RGPD5: variants seen among roughly 807,000 people sequenced by gnomAD.
The protein encoded by RGPD5 is RANBP2 like and GRIP domain containing 5.
chr2:109,774,513 TAATATATATTATATATA>T, the RGPD5 span, among the ~76,000 whole-genome samples: 2 of 67,168 alleles, frequency 3.0e-5, 1 homozygote, highest in African/African-American at 1.7e-4. Flanking sequence ...TATATATATA[TAATATATATTATATATA>T]TTATATATAA....
At chr2:109,761,440 C>T in the RGPD5 span, among the ~76,000 whole-genome samples, 1 of 149,844 alleles carries the variant, frequency 6.7e-6, no homozygotes, top group South Asian at 2.2e-4. Flanking sequence ...TCCTCCCCAC[C>T]CCACCCGGGC....
chr2:109,763,962 A>G, the RGPD5 span, among the ~76,000 whole-genome samples: 1 of 145,490 alleles, frequency 6.9e-6, no homozygotes, highest in African/African-American at 2.5e-5. Flanking sequence ...AATATAATCA[A>G]TATACACAAT....
At chr2:109,780,712 AC>A in the RGPD5 span, among the ~76,000 whole-genome samples, 1 of 105,862 alleles carries the variant, frequency 9.4e-6, no homozygotes, top group Non-Finnish European at 1.8e-5. Flanking sequence ...TGGTACTGTT[AC>A]ATTTTTCCTC....
chr2:109,777,290 A>G, the RGPD5 span, among the ~76,000 whole-genome samples: 3 of 148,842 alleles, frequency 2.0e-5, no homozygotes, highest in Admixed American at 6.9e-5. Context: ...TTCTACATGT[A>G]TTGAGATGGT....
chr2:109,764,990 T>C, the RGPD5 span, among the ~76,000 whole-genome samples: 6,682 of 80,400 alleles, frequency 0.083, 757 homozygotes, highest in Middle Eastern at 0.15. Flanking sequence ...CAACATACAA[T>C]AGTATAATAA....
the RGPD5 span, among the ~76,000 whole-genome samples, chr2:109,765,778 A>G: frequency 4.6e-5 from 7 of 151,092 alleles, no homozygotes; most frequent in Admixed American, 2.0e-4. Flanking sequence ...GATGCTGCCC[A>G]GTAGTGCCCG....
At chr2:109,777,206 G>A in the RGPD5 span, among the ~76,000 whole-genome samples, 1 of 143,008 alleles carries the variant, frequency 7.0e-6, no homozygotes, top group African/African-American at 2.6e-5. Context: ...ATCAGGTTAA[G>A]GAAGTTTCCT....
the RGPD5 span, among the ~76,000 whole-genome samples, chr2:109,766,950 C>T: frequency 1.4e-5 from 2 of 145,446 alleles, no homozygotes; most frequent in Non-Finnish European, 3.0e-5. Context: ...TGGCTGTTCC[C>T]TTTTGTCTTG....
the RGPD5 span, among the ~76,000 whole-genome samples, chr2:109,765,910 C>A: frequency 3.3e-5 from 5 of 150,590 alleles, no homozygotes; most frequent in African/African-American, 1.2e-4. Context: ...GATCCCTGAT[C>A]TTGACCTTCA....
chr2:109,794,580 C>CGGGGCGGGGGGGGAGG (rs1676850399), intron 1 of RGPD5, 43 bp downstream of exon 1: 1 of 899,516 alleles, frequency 1.1e-6, no homozygotes, highest in African/African-American at 2.0e-5. Flanking sequence ...TCGACCCGGC[C>CGGGGCGGGGGGGGAGG]GGGGGGCGGC....
the RGPD5 span, among the ~76,000 whole-genome samples, chr2:109,767,396 A>G: frequency 1.4e-5 from 2 of 143,476 alleles, no homozygotes; most frequent in Non-Finnish European, 3.0e-5. Flanking sequence ...ATGTAGATCT[A>G]TTAACCATTA....
the RGPD5 span, among the ~76,000 whole-genome samples, chr2:109,762,973 A>G: frequency 7.0e-6 from 1 of 143,684 alleles, no homozygotes; most frequent in Non-Finnish European, 1.5e-5. Flanking sequence ...TCTCAGTTTT[A>G]TGGTTTACGT....
At chr2:109,761,691 A>G in the RGPD5 span, among the ~76,000 whole-genome samples, 1 of 146,868 alleles carries the variant, frequency 6.8e-6, no homozygotes, top group East Asian at 2.1e-4. Context: ...AACCAGCACT[A>G]TTCAGGTGGT....
chr2:109,760,888 G>A, the RGPD5 span, among the ~76,000 whole-genome samples: 1 of 133,710 alleles, frequency 7.5e-6, no homozygotes, highest in South Asian at 2.6e-4. Flanking sequence ...TGGGGGTGGG[G>A]TGGGTCGGGG....
the RGPD5 span, among the ~76,000 whole-genome samples, chr2:109,764,754 A>G: frequency 1.5e-5 from 2 of 130,920 alleles, no homozygotes; most frequent in Admixed American, 8.3e-5. Context: ...TATTGAGAGT[A>G]CAGGGAGACA....
the RGPD5 span, among the ~76,000 whole-genome samples, chr2:109,766,217 T>A: frequency 6.6e-6 from 1 of 150,972 alleles, no homozygotes; most frequent in East Asian, 2.0e-4. Flanking sequence ...CTCAGAAGAG[T>A]GGCTTCCAGG....
chr2:109,779,073 TTTCCTTA>T, the RGPD5 span, among the ~76,000 whole-genome samples: 15 of 138,826 alleles, frequency 1.1e-4, no homozygotes, highest in Admixed American at 6.3e-4. Flanking sequence ...CTTTCTGTGG[TTTCCTTA>T]ACATATAAAC....
chr2:109,765,614 G>T, the RGPD5 span, among the ~76,000 whole-genome samples: 1 of 150,126 alleles, frequency 6.7e-6, no homozygotes, highest in East Asian at 2.1e-4. Context: ...TCCTGGAGTA[G>T]AATTTCAGGA....
At chr2:109,767,295 G>A in the RGPD5 span, among the ~76,000 whole-genome samples, 1 of 149,784 alleles carries the variant, frequency 6.7e-6, no homozygotes, top group Non-Finnish European at 1.5e-5. Context: ...CCCTGGGACG[G>A]TTTTGAGTAG....
Sources: gnomAD v4.1 joint callset for allele counts (sites outside exome capture counted in the v4.1 genomes callset) on GRCh38, gnomAD v4.1.1 for gene constraint, MANE v1.5 for transcripts, NCBI Gene and HGNC (gene_info 2026-07-23, HGNC 2026-07-21) for gene names.